Variants in ENOX1 observed in about 807,000 individuals in gnomAD.
The protein encoded by ENOX1 is candidate growth-related and time keeping constitutive hydroquinone (NADH) oxidase.
Under a neutral mutation model 82.5 loss-of-function variants are expected in ENOX1, and 42 were observed. The observed-to-expected ratio is 0.51, with a 90% confidence interval of 0.40 to 0.66. The LOEUF is 0.66. Ranked by LOEUF, ENOX1 falls within the 30% of genes least tolerant of loss-of-function variation. The pLI is 0.00. For missense variants in ENOX1, 608 were observed against 811.6 expected, an observed-to-expected ratio of 0.75 and a Z score of 3.05; for synonymous variants, 271 against 282.2, an observed-to-expected ratio of 0.96 and a Z score of 0.40.
At chr13:43,603,615 C>T (rs2081841362) in intron 2 of ENOX1, among the ~76,000 whole-genome samples, 1 of 145,526 alleles carries the variant, frequency 6.9e-6, no homozygotes, top group African/African-American at 2.6e-5. Context: ...TCAATTCCCA[C>T]CTATGAGTGA....
chr13:43,275,734 T>C (rs573644784), intron 12 of ENOX1, among the ~76,000 whole-genome samples: 1 of 152,336 alleles, frequency 6.6e-6, no homozygotes, highest in East Asian at 1.9e-4. Context: ...GTGTGCATGG[T>C]ACTGGGCTGG....
chr13:43,422,967 T>C (rs1183565510), intron 3 of ENOX1, among the ~76,000 whole-genome samples: 2 of 152,190 alleles, frequency 1.3e-5, no homozygotes. Context: ...CAGGCCTTGA[T>C]GCTACTATGG....
chr13:43,310,686 A>G (rs2047150338), intron 11 of ENOX1, among the ~76,000 whole-genome samples: 1 of 152,206 alleles, frequency 6.6e-6, no homozygotes, highest in South Asian at 2.1e-4. Context: ...CCAAGAACCC[A>G]ATGACTTTCA....
At chr13:43,703,518 G>A (rs1245973146) in intron 1 of ENOX1, among the ~76,000 whole-genome samples, 4 of 152,126 alleles carry the variant, frequency 2.6e-5, no homozygotes, top group African/African-American at 7.2e-5. Context: ...AATGTTATAC[G>A]CTTATCTTCC....
chr13:43,704,597 G>C (rs901069038), intron 1 of ENOX1, among the ~76,000 whole-genome samples: 6 of 152,186 alleles, frequency 3.9e-5, no homozygotes, highest in Non-Finnish European at 8.8e-5. Context: ...GAGGCTGCCA[G>C]AGCACTGCAA....
At chr13:43,669,687 G>A (rs186963466) in intron 1 of ENOX1, among the ~76,000 whole-genome samples, 2 of 151,718 alleles carry the variant, frequency 1.3e-5, no homozygotes, top group Admixed American at 1.3e-4. Flanking sequence ...CCTGTTATCA[G>A]TACATAACCT....
intron 2 of ENOX1, among the ~76,000 whole-genome samples, chr13:43,645,251 G>A (rs2083840523): frequency 6.6e-6 from 1 of 152,116 alleles, no homozygotes; most frequent in Admixed American, 6.6e-5. Flanking sequence ...TCTAATACCT[G>A]AGGCTCAAGT....
In ENOX1 at chr13:43,499,296, G is replaced by C. The variant is rs540774760; in HGVS notation, c.-218-15144C>G. Among the ~76,000 whole-genome samples, 3 of 151,974 alleles carry C rather than the reference G, an allele frequency of 2.0e-5. No individual in the cohort carries two copies. The South Asian group carries it at 6.3e-4, about 32-fold the overall frequency. On this transcript the variant is annotated intron_variant, in intron 2 of 16. Transcript: ENST00000690772. ...AAAAACTACTTAAAAAAAGAGTAAA[G>C]TATAGACTATAGTTAATTGTATTGT...
chr13:43,400,004 G>T (rs1271355431), intron 5 of ENOX1, among the ~76,000 whole-genome samples: 1 of 151,960 alleles, frequency 6.6e-6, no homozygotes, highest in East Asian at 1.9e-4. Flanking sequence ...GTGTAGTCCA[G>T]CTCTGAAATT....
intron 3 of ENOX1, among the ~76,000 whole-genome samples, chr13:43,441,569 G>C (rs999494864): frequency 4.6e-5 from 7 of 152,102 alleles, no homozygotes; most frequent in African/African-American, 1.2e-4. Context: ...AAATGACCAG[G>C]CTGCTTCTAA....
At chr13:43,767,956 C>A (rs1219791765) in intron 1 of ENOX1, among the ~76,000 whole-genome samples, 1 of 152,052 alleles carries the variant, frequency 6.6e-6, no homozygotes, top group Non-Finnish European at 1.5e-5. Flanking sequence ...CTAAGAGAGT[C>A]GGGGGGGAGC....
intron 2 of ENOX1, among the ~76,000 whole-genome samples, chr13:43,628,523 G>A (rs1192356915): frequency 6.6e-6 from 1 of 152,064 alleles, no homozygotes; most frequent in Non-Finnish European, 1.5e-5. Flanking sequence ...TTTATTTCAA[G>A]TGTAATTGCT....
At chr13:43,433,828 G>GA (rs1481175518) in intron 3 of ENOX1, among the ~76,000 whole-genome samples, 1 of 152,202 alleles carries the variant, frequency 6.6e-6, no homozygotes, top group Non-Finnish European at 1.5e-5. Context: ...TGGCAACCAT[G>GA]AAAACTGATC....
At chr13:43,714,354 T>C (rs1416296190) in intron 1 of ENOX1, among the ~76,000 whole-genome samples, 2 of 152,330 alleles carry the variant, frequency 1.3e-5, no homozygotes, top group East Asian at 3.9e-4. Flanking sequence ...AATTTTGGAA[T>C]AGATGTGGTG....
Position 43,241,561 on chromosome 13 carries a change from C to G in ENOX1, c.1612-4823G>C, listed in dbSNP as rs28656990. ...TCTCCCAAAGGAAGTGGGAAGAACA[C>G]AGTAAAAGCACACCAGACTAGAAAA... On this transcript the variant is annotated intron_variant, in intron 14 of 16. Transcript: ENST00000690772. Among the ~76,000 whole-genome samples the G allele has an allele frequency of 9.7e-3, 1,478 of 152,158 alleles. 28 individuals are homozygous for G. Among genetic ancestry groups the G allele is most frequent in the African/African-American group, 0.034 (1,401 of 41,566 alleles).
At chr13:43,369,843 T>G (rs759556109) in intron 5 of ENOX1, among the ~76,000 whole-genome samples, 5 of 152,190 alleles carry the variant, frequency 3.3e-5, no homozygotes, top group Non-Finnish European at 7.3e-5. Flanking sequence ...GTTGCCACAT[T>G]TGGAAGGTGA....
At chr13:43,551,890 G>A (rs998302603) in intron 2 of ENOX1, among the ~76,000 whole-genome samples, 9 of 152,090 alleles carry the variant, frequency 5.9e-5, no homozygotes, top group Non-Finnish European at 5.9e-5. Flanking sequence ...TAATCTTTAC[G>A]CAGGCCTTAA....
rs550071565 is a variant in ENOX1 at position 43,356,680 on chromosome 13, C to G, written c.590-528G>C. ...ACTCACAGGTTATTGCTACATTCCC[C>G]CAGAAAATGCTGCTGCTCAATTCTC... is the stretch of plus-strand genomic sequence containing the variant. On this transcript the variant is annotated intron_variant, in intron 7 of 16. Coordinates refer to ENST00000690772, the MANE Select transcript of ENOX1 (RefSeq NM_001347969.2). Among the ~76,000 whole-genome samples, 34 of 152,278 alleles carry G rather than the reference C, an allele frequency of 2.2e-4. 1 individual carries two copies. The South Asian group carries it at 7.1e-3, about 32-fold the overall frequency.
Position 43,786,164 on chromosome 13 carries a change from C to T in ENOX1, c.-285+488G>A, listed in dbSNP as rs1226832863. Among the ~76,000 whole-genome samples the T allele has an allele frequency of 6.6e-6, 1 of 152,154 alleles. No individual in the cohort carries two copies. The highest frequency in any genetic ancestry group is 6.5e-5 in the Admixed American group (1 of 15,284). On this transcript the variant is annotated intron_variant, in intron 1 of 16. Transcript: ENST00000690772. The surrounding 1 kb of genome is among the most constrained non-coding windows in gnomAD (Gnocchi z 6.0). ...CGGCCCGCAGCAGAGCGGAGTCCGC[C>T]AAGGCTGGAGGAAAAGGGATGCAGA...
Sources: gnomAD v4.1 joint callset for allele counts (sites outside exome capture counted in the v4.1 genomes callset) on GRCh38, gnomAD v4.1.1 for gene constraint, Gnocchi (gnomAD v3.1) non-coding constraint, MANE v1.5 for transcripts, NCBI Gene and HGNC (gene_info 2026-07-23, HGNC 2026-07-21) for gene names.